DOK6: variants seen among roughly 807,000 people sequenced by gnomAD.
The protein encoded by DOK6 is docking protein 6.
Under a neutral mutation model 44.0 loss-of-function variants are expected in DOK6, and 22 were observed. The ratio of observed to expected loss-of-function variants is 0.50; its 90% CI spans 0.36 to 0.71. The LOEUF is 0.71. Ranked by LOEUF, DOK6 falls within the 30% of genes least tolerant of loss-of-function variation. The pLI, the probability that DOK6 is intolerant of heterozygous loss-of-function variation, is 0.00. For synonymous variants in DOK6, 166 were observed against 145.5 expected, an observed-to-expected ratio of 1.14 and a Z score of -1.01; for missense variants, 340 against 416.4, an observed-to-expected ratio of 0.82 and a Z score of 1.60.
chr18:69,694,078 A>T (rs1986338258), intron 4 of DOK6, among the ~76,000 whole-genome samples: 1 of 150,464 alleles, frequency 6.6e-6, no homozygotes, highest in African/African-American at 2.4e-5. Flanking sequence ...AAAAAAAAAA[A>T]AAAAAAAAAA....
intron 3 of DOK6, among the ~76,000 whole-genome samples, chr18:69,664,628 G>A (rs1322436257): frequency 1.3e-5 from 2 of 152,124 alleles, no homozygotes; most frequent in Admixed American, 1.3e-4. Context: ...CGTACTAACT[G>A]CAAGCAATAT....
intron 3 of DOK6, among the ~76,000 whole-genome samples, chr18:69,645,397 T>C (rs1599238625): frequency 6.6e-6 from 1 of 152,190 alleles, no homozygotes. Flanking sequence ...CTCAGCATAA[T>C]CTTCTGAATA....
At chr18:69,535,418 T>C (rs1382335829) in intron 1 of DOK6, among the ~76,000 whole-genome samples, 1 of 152,052 alleles carries the variant, frequency 6.6e-6, no homozygotes, top group Non-Finnish European at 1.5e-5. Context: ...GTAATTCTAA[T>C]AATTTTCAAG....
At chr18:69,828,647 T>C in intron 7 of DOK6, among the ~76,000 whole-genome samples, 1 of 151,420 alleles carries the variant, frequency 6.6e-6, no homozygotes. Flanking sequence ...TATTATAAAC[T>C]ACATTATATT....
intron 2 of DOK6, among the ~76,000 whole-genome samples, chr18:69,566,061 T>A (rs1982969749): frequency 6.6e-6 from 1 of 152,232 alleles, no homozygotes. Context: ...AGTTCCTGCC[T>A]GCTGGTTAGT....
chr18:69,533,255 C>T (rs1982032975), intron 1 of DOK6, among the ~76,000 whole-genome samples: 1 of 152,090 alleles, frequency 6.6e-6, no homozygotes, highest in African/African-American at 2.4e-5. Flanking sequence ...GTATTGCTCA[C>T]TAATAACATA....
At chr18:69,573,308 C>T (rs1310515650) in intron 2 of DOK6, among the ~76,000 whole-genome samples, 2 of 151,792 alleles carry the variant, frequency 1.3e-5, no homozygotes, top group Admixed American at 1.3e-4. Context: ...AGAACAGGAA[C>T]AGTTAAGGGA....
chr18:69,503,076 C>T (rs1981089841), intron 1 of DOK6, among the ~76,000 whole-genome samples: 2 of 152,150 alleles, frequency 1.3e-5, no homozygotes, highest in South Asian at 4.2e-4. Flanking sequence ...TACCAGATAG[C>T]TGAAATATCC....
chr18:69,437,461 T>C (rs1257096013), intron 1 of DOK6, among the ~76,000 whole-genome samples: 2 of 152,158 alleles, frequency 1.3e-5, no homozygotes, highest in Admixed American at 1.3e-4. Flanking sequence ...AAAAATCAGA[T>C]GGTTGTAAAT....
chr18:69,744,484 C>T (rs2364888), intron 6 of DOK6, among the ~76,000 whole-genome samples: 106,536 of 151,698 alleles, frequency 0.7, 39,442 homozygotes, highest in East Asian at 0.85. Context: ...TCATGGATTG[C>T]GATGAAACAA....
In DOK6 at chr18:69,589,828, C is replaced by A. The variant is rs181535860; in HGVS notation, c.175-9556C>A. On this transcript the variant is annotated intron_variant, in intron 2 of 7. Transcript: ENST00000382713. ...GCATGCAAATAAAATAACTGAAAAA[C>A]TTGGGCTTAACTGGAGAAAATATCG... Among the ~76,000 whole-genome samples the A allele has an allele frequency of 4.2e-4, 64 of 152,104 alleles. No individual in the cohort carries two copies. In the East Asian group the frequency reaches 0.012, roughly 28 times the overall value.
intron 3 of DOK6, among the ~76,000 whole-genome samples, chr18:69,666,289 C>T (rs903759909): frequency 6.6e-6 from 1 of 152,150 alleles, no homozygotes; most frequent in Non-Finnish European, 1.5e-5. Flanking sequence ...CTACAGGTGA[C>T]GTTTTAACCA....
At chr18:69,516,136 C>T (rs538104040) in intron 1 of DOK6, among the ~76,000 whole-genome samples, 2 of 152,284 alleles carry the variant, frequency 1.3e-5, no homozygotes, top group South Asian at 4.1e-4. Flanking sequence ...GTCTGGTGCA[C>T]CCTGGTGGAG....
intron 7 of DOK6, among the ~76,000 whole-genome samples, chr18:69,796,587 CA>C (rs984808281): frequency 6.6e-6 from 1 of 151,808 alleles, no homozygotes; most frequent in South Asian, 2.1e-4. Flanking sequence ...ACATCAATTT[CA>C]AAAAAAGACC....
At chr18:69,464,484 C>A (rs897228458) in intron 1 of DOK6, among the ~76,000 whole-genome samples, 1 of 152,130 alleles carries the variant, frequency 6.6e-6, no homozygotes, top group Non-Finnish European at 1.5e-5. Flanking sequence ...TTTAATTGGA[C>A]TTTATATTAG....
chr18:69,727,521 G>C (rs746122262), intron 5 of DOK6, among the ~76,000 whole-genome samples: 3 of 152,172 alleles, frequency 2.0e-5, no homozygotes, highest in Non-Finnish European at 2.9e-5. Flanking sequence ...GTAGAAGGCA[G>C]GAATGAAGTA....
At chr18:69,804,629 T>C (rs563712610) in intron 7 of DOK6, among the ~76,000 whole-genome samples, 91 of 152,338 alleles carry the variant, frequency 6.0e-4, no homozygotes, top group Non-Finnish European at 1.2e-3. Flanking sequence ...TCTGTGTTTA[T>C]GGATGAACAC....
intron 4 of DOK6, among the ~76,000 whole-genome samples, chr18:69,681,215 A>G (rs1986036353): frequency 6.6e-6 from 1 of 152,170 alleles, no homozygotes; most frequent in South Asian, 2.1e-4. Context: ...CTACATTAAC[A>G]TGGTTTGTGG....
intron 3 of DOK6, among the ~76,000 whole-genome samples, chr18:69,637,300 G>A (rs7506960): frequency 0.32 from 49,029 of 152,112 alleles, 8,764 homozygotes; most frequent in East Asian, 0.78. Context: ...GTGAGTTTAG[G>A]AAATGCAATG....
Sources: gnomAD v4.1 joint callset for allele counts (sites outside exome capture counted in the v4.1 genomes callset) on GRCh38, gnomAD v4.1.1 for gene constraint, MANE v1.5 for transcripts, NCBI Gene and HGNC (gene_info 2026-07-23, HGNC 2026-07-21) for gene names.